The following SLTM variants were observed in gnomAD, a reference collection of about 807,000 sequenced individuals.
SLTM encodes the protein SAFB like transcription modulator, also known as SAFB-like transcription modulator.
A neutral mutation model predicts 134.6 loss-of-function variants in SLTM; 43 were observed. The observed-to-expected ratio is 0.32, with a 90% CI of 0.25 to 0.41. SLTM has a LOEUF of 0.41. Ranked by LOEUF, SLTM falls within the 10% of genes least tolerant of loss-of-function variation. The pLI, the probability that SLTM is intolerant of heterozygous loss-of-function variation, is 1.00. For missense variants in SLTM, 1,055 were observed against 1,288.8 expected (o/e 0.82, Z 2.78); for synonymous variants, 424 against 432.3 (o/e 0.98, Z 0.24).
intron 19 of SLTM, among the ~76,000 whole-genome samples, chr15:58,886,727 A>G (rs1363747705): frequency 6.6e-6 from 1 of 152,208 alleles, no homozygotes; most frequent in East Asian, 1.9e-4. Flanking sequence ...TTTCACTGGG[A>G]AGTTTAATCG....
chr15:58,931,208 A>T (rs1395064746), intron 2 of SLTM, among the ~76,000 whole-genome samples: 1 of 152,176 alleles, frequency 6.6e-6, no homozygotes, highest in Admixed American at 6.5e-5. Context: ...GTTATCTTAA[A>T]AGCTACCTTT....
chr15:58,927,725 C>A (rs998967043), intron 2 of SLTM, among the ~76,000 whole-genome samples: 7 of 152,194 alleles, frequency 4.6e-5, no homozygotes, highest in Non-Finnish European at 8.8e-5. Flanking sequence ...GCCTTCAGAG[C>A]TTTCAGCCTT....
chr15:58,885,517 G>A (rs1380004046), intron 19 of SLTM, among the ~76,000 whole-genome samples: 1 of 152,126 alleles, frequency 6.6e-6, no homozygotes, highest in Non-Finnish European at 1.5e-5. Flanking sequence ...TTTAGGAGGT[G>A]GGCGTCATGG....
intron 20 of SLTM, among the ~76,000 whole-genome samples, chr15:58,880,989 A>C (rs2033652545): frequency 6.6e-6 from 1 of 152,214 alleles, no homozygotes; most frequent in Admixed American, 6.5e-5. Context: ...AGCAGATGTT[A>C]GTAACACAAA....
chr15:58,889,659 C>G lies in SLTM; in HGVS notation c.2080-105G>C, dbSNP rs544418399. 7.8e-5 allele frequency: 113 copies of G among 1,441,696 alleles called. 2 individuals carry two copies. The South Asian group carries it at 1.4e-3, about 18-fold the overall frequency. The allele number at this position is 1,441,696 out of a possible 1,614,324, so 89.3% of individuals were successfully genotyped here. On this transcript the variant is annotated intron_variant, in intron 15 of 20. Coordinates refer to ENST00000380516, the MANE Select transcript of SLTM (RefSeq NM_024755.4). ...CCTGTTGCTAAGAAACCATCATAAG[C>G]AAAGACCAGGCAAAACACAAACCTA...
At chr15:58,923,908 G>C (rs563507918) in intron 2 of SLTM, among the ~76,000 whole-genome samples, 1 of 142,018 alleles carries the variant, frequency 7.0e-6, no homozygotes, top group Non-Finnish European at 1.5e-5. Context: ...TCTGCCTTCC[G>C]AGTTCAAGCA....
intron 19 of SLTM, 37 bp from the exon 20 acceptor site, chr15:58,883,823 C>A (rs201456231): frequency 6.2e-7 from 1 of 1,607,676 alleles, no homozygotes; most frequent in African/African-American, 1.3e-5. Context: ...CTTGGCCGGG[C>A]GCAGTGGCTC....
In SLTM at chr15:58,895,333, G is replaced by A. The variant is rs532227760; in HGVS notation, c.1228-751C>T. Among the ~76,000 whole-genome samples the A allele has an allele frequency of 1.3e-3, 195 of 152,122 alleles. 1 individual carries two copies. The highest frequency in any genetic ancestry group is 2.1e-3 in the South Asian group (10 of 4,820). The stretch of plus-strand genomic sequence containing the variant: ...AAGCGGACTTAAAAATGCATCCCCC[G>A]AAAAACACCCTAAAGCTTGAAAGAC... On this transcript the variant is annotated intron_variant, in intron 9 of 20. Transcript: ENST00000380516.
At chr15:58,883,597 G>A (rs2140931769) in intron 20 of SLTM, 29 bp downstream of exon 20, 1 of 1,612,600 alleles carries the variant, frequency 6.2e-7, no homozygotes, top group Middle Eastern at 1.7e-4. Flanking sequence ...TTGGTTGTGT[G>A]CTGGCAGAAA....
At chr15:58,908,602 T>G (rs1184818743) in intron 5 of SLTM, among the ~76,000 whole-genome samples, 1 of 151,814 alleles carries the variant, frequency 6.6e-6, no homozygotes, top group Non-Finnish European at 1.5e-5. Flanking sequence ...CTCCTGGCCT[T>G]AAGCAATCCT....
chr15:58,904,609 G>C (rs962551465), intron 5 of SLTM, among the ~76,000 whole-genome samples: 2 of 149,388 alleles, frequency 1.3e-5, no homozygotes, highest in Non-Finnish European at 3.0e-5. Context: ...GCAGTGGCAC[G>C]ATCTCAGCTC....
chr15:58,923,821 T>C (rs2037272018), intron 2 of SLTM, among the ~76,000 whole-genome samples: 1 of 145,292 alleles, frequency 6.9e-6, no homozygotes. Context: ...TTTTTTTTTT[T>C]TTTTGGAGAC....
chr15:58,907,503 T>G (rs2035945355), intron 5 of SLTM, among the ~76,000 whole-genome samples: 1 of 152,068 alleles, frequency 6.6e-6, no homozygotes, highest in South Asian at 2.1e-4. Context: ...ACGCCTGTAG[T>G]CCCAGCTACC....
rs150680484 is a variant in SLTM, at chr15:58,890,390, C to T, written c.1970G>A (p.Arg657Gln). 1 of 1,613,914 alleles carries T rather than the reference C, an allele frequency of 6.2e-7. No homozygotes were observed. The highest frequency in any genetic ancestry group is 1.3e-5 in the African/African-American group (1 of 74,900). ...RIRIIREREERERLQRERERL... is the reference protein window; with the variant it reads ...RIRIIREREEQERLQRERERL... ...CTCTCTCTCTCTCTGTAAGCGTTCC[C>T]GTTCTTCCCGTTCACGAATTATTCT... The change falls in exon 15 of 21, where the codon CGG becomes CAG. Residue 657 changes from arginine to glutamine, a missense_variant. Physicochemically the swap from Arg to Gln is conservative, Grantham distance 43. This residue lies in a region of SLTM where 776 missense variants were observed against 962.2 expected (regional missense o/e 0.81). Transcript: ENST00000380516.
Position 58,927,686 on chromosome 15 carries a change from G to A in SLTM, c.250+4670C>T, listed in dbSNP as rs149452267. Among the ~76,000 whole-genome samples the A allele has an allele frequency of 4.6e-5, 7 of 152,282 alleles. No individual in the cohort carries two copies. The East Asian group carries it at 1.2e-3, about 25-fold the overall frequency. ...CATGCTCTACACCAGGCATTACAGAGACAGAGGTAAATGAAAAACTATGTC... is the reference window on the plus strand; with the variant it reads ...CATGCTCTACACCAGGCATTACAGAAACAGAGGTAAATGAAAAACTATGTC... On this transcript the variant is annotated intron_variant, in intron 2 of 20. Transcript: ENST00000380516.
At chr15:58,886,877 T>C in intron 19 of SLTM, 98 bp downstream of exon 19, 1 of 1,438,550 alleles carries the variant, frequency 7.0e-7, no homozygotes, top group Admixed American at 1.9e-5. Context: ...ATCTAGCTAA[T>C]CTAAGCCACA....
rs528248609 is a variant in SLTM at position 58,904,857 on chromosome 15, C to T, written c.562-3570G>A. Among the ~76,000 whole-genome samples, 8 of 152,246 alleles carry T rather than the reference C, an allele frequency of 5.3e-5. No homozygotes were observed. The East Asian group carries it at 1.4e-3, about 26-fold the overall frequency. ...TCCCAAGTAGCTGGGATTACAGGTG[C>T]GTACCACTACGCCCAGCTAATTTTT... is the stretch of plus-strand genomic sequence containing the variant. On this transcript the variant is annotated intron_variant, in intron 5 of 20. Coordinates refer to ENST00000380516, the MANE Select transcript of SLTM (RefSeq NM_024755.4).
At chr15:58,912,717 A>G (rs1595902966) in intron 4 of SLTM, 107 bp from the exon 5 acceptor site, 2 of 868,006 alleles carry the variant, frequency 2.3e-6, no homozygotes, top group East Asian at 5.5e-5. Flanking sequence ...TCTGTATAAT[A>G]TCTGCGATAC....
At chr15:58,922,933 C>T (rs1452733396) in intron 2 of SLTM, among the ~76,000 whole-genome samples, 2 of 152,040 alleles carry the variant, frequency 1.3e-5, no homozygotes, top group Non-Finnish European at 2.9e-5. Context: ...CCAGACTGGT[C>T]TCGAACTCCT....
Sources: allele counts gnomAD v4.1 joint callset (sites outside exome capture counted in the v4.1 genomes callset), GRCh38; gene constraint gnomAD v4.1.1; regional missense constraint gnomAD v4.1.1; transcripts MANE v1.5; gene names NCBI Gene and HGNC (gene_info 2026-07-23, HGNC 2026-07-21).